TNS2: variants seen among roughly 807,000 people sequenced by gnomAD.
The protein encoded by TNS2 is tensin-2.
Under a neutral mutation model 155.7 loss-of-function variants are expected in TNS2, and 77 were observed. The observed-to-expected ratio is 0.49, with a 90% confidence interval of 0.41 to 0.60. TNS2 has a LOEUF of 0.60. Among genes scored for constraint, TNS2 ranks in the 20% least tolerant of loss-of-function variants. The pLI, the probability that TNS2 is intolerant of heterozygous loss-of-function variation, is 0.00. For synonymous variants in TNS2, 726 were observed against 763.9 expected (o/e 0.95, Z 0.82); for missense variants, 1,703 against 1,868.8 (o/e 0.91, Z 1.64).
In TNS2 at chr12:53,061,930, G is replaced by A; in HGVS notation, c.3564G>A (p.Gln1188=). 6.2e-7 allele frequency: 1 copy of A among 1,612,218 alleles called. No homozygotes were observed. The part of the protein sequence containing the change: ...LKVATPPPSA[Q]PWKGDPVEQL... The stretch of plus-strand genomic sequence containing the variant: ...TGGCCACACCGCCACCCAGTGCCCA[G>A]CCCTGGAAAGGTACAGAACACCCAA... The change falls in exon 22 of 29, where the codon CAG becomes CAA. Residue 1188 remains glutamine (Q), a synonymous_variant. Transcript: ENST00000314250.
At chr12:53,047,226 C>G (rs1393418144), upstream of TNS2, among the ~76,000 whole-genome samples, 1 of 142,358 alleles carries the variant, frequency 7.0e-6, no homozygotes, top group Non-Finnish European at 1.6e-5. Context: ...GGAGCCCAGC[C>G]GAGCCCGGCC....
rs770007326 is a variant in TNS2 at position 53,058,353 on chromosome 12, G to C, written c.1133G>C (p.Arg378Pro). The change falls in exon 15 of 29, where the codon CGG (arginine) becomes CCG (proline). Residue 378 changes from arginine (R) to proline (P), a missense_variant. Transcript: ENST00000314250. ...CACAAGGGTGGCCGGGGCACAGACC[G>C]GACCCTCGTGTTCCGAGTCCAGTTC... ...CYHKGGRGTDRTLVFRVQFHT... is the reference protein window; with the variant it reads ...CYHKGGRGTDPTLVFRVQFHT... 6.2e-7 allele frequency: 1 copy of C among 1,614,126 alleles called. No homozygotes were observed. The highest frequency in any genetic ancestry group is 1.7e-5 in the Admixed American group (1 of 60,014).
rs1944326932 is a variant in TNS2, at chr12:53,060,120, C to CG, written c.2482dup (p.Ala828GlyfsTer15). The CG allele has an allele frequency of 6.2e-7, 1 of 1,610,534 alleles. No homozygotes were observed. Among genetic ancestry groups the CG allele is most frequent in the Admixed American group, 1.7e-5 (1 of 59,848 alleles). On this transcript the variant is annotated frameshift_variant, in exon 18 of 29. Transcript: ENST00000314250. LOFTEE classifies it high-confidence loss of function. This position sits in a 1 kb window ranked among gnomAD's most constrained non-coding sequence, Gnocchi z 6.1. ...TCCCAGCCCTGGTGCCCACTCCCCA[C>CG]GGGCTGGCTCCATTTCCCCGGGCAG...
chr12:53,048,080 G>A (rs1469778429), upstream of TNS2, among the ~76,000 whole-genome samples: 2 of 152,318 alleles, frequency 1.3e-5, no homozygotes, highest in East Asian at 3.9e-4. Context: ...GAGGGTGAGG[G>A]TCCAAGAGGG....
chr12:53,055,383 C>G (rs1433446180), intron 8 of TNS2, 147 bp downstream of exon 8: 1 of 1,153,334 alleles, frequency 8.7e-7, no homozygotes, highest in African/African-American at 1.6e-5. Context: ...ACTGGAGACA[C>G]CCCAAAACGT....
At position 53,063,029 on chromosome 12, in the gene TNS2, G is replaced by A; in HGVS notation, c.3824-60G>A. 6.7e-7 allele frequency: 1 copy of A among 1,501,360 alleles called. No individual in the cohort carries two copies. Among genetic ancestry groups the A allele is most frequent in the East Asian group, 2.3e-5 (1 of 43,900 alleles). 93.0% of individuals were successfully genotyped at this position (1,501,360 alleles called of 1,614,324 possible). On this transcript the variant is annotated intron_variant, in intron 25 of 28. Coordinates refer to ENST00000314250, the MANE Select transcript of TNS2 (RefSeq NM_170754.4). The surrounding 1 kb of genome is among the most constrained non-coding windows in gnomAD (Gnocchi z 5.6). ...AGCAGTAGCTGGGGAATGTGCAAGA[G>A]CTGGTGGGGGTGGCTAGGGGATGGG... is the stretch of plus-strand genomic sequence containing the variant.
At position 53,057,650 on chromosome 12, in the gene TNS2, C is replaced by T. The variant is rs1157845147; in HGVS notation, c.929C>T (p.Pro310Leu). The T allele has an allele frequency of 6.2e-7, 1 of 1,614,044 alleles. No individual in the cohort carries two copies. The highest frequency in any genetic ancestry group is 1.3e-5 in the African/African-American group (1 of 74,924). Residue 310 changes from proline to leucine, a missense_variant, in exon 12 of 29, where the codon CCC becomes CTC. Pro to Leu is a moderately conservative substitution (Grantham distance 98). Coordinates refer to ENST00000314250, the MANE Select transcript of TNS2 (RefSeq NM_170754.4). ...SPLFLHYVLI[P>L]MLPAFEPGTG... is the part of the protein sequence containing the mutation. ...CTCTTCCTGCACTATGTGCTCATCC[C>T]CATGCTGCCAGCCTTTGAACCTGGC...
chr12:53,056,625 T>C (rs1388127893), intron 10 of TNS2, among the ~76,000 whole-genome samples: 4 of 152,190 alleles, frequency 2.6e-5, no homozygotes. Flanking sequence ...TCTTCCTCTC[T>C]TCTTATAAGG....
At position 53,059,393 on chromosome 12, in the gene TNS2, T is replaced by G. The variant is rs764563186; in HGVS notation, c.1752T>G (p.His584Gln). The G allele has an allele frequency of 4.1e-6, 6 of 1,467,898 alleles. No homozygotes were observed. The East Asian group carries it at 1.5e-4, about 36-fold the overall frequency. 90.9% of individuals were successfully genotyped at this position (1,467,898 alleles called of 1,614,324 possible). The stretch of plus-strand genomic sequence containing the variant: ...CCCACCTCGGAGTGTATCCAGGCCA[T>G]AGGCCTGGCCTCAGCCGCCACTGCT... ...GGPHLGVYPG[H>Q]RPGLSRHCSC... Residue 584 changes from histidine (H) to glutamine (Q), a missense_variant, in exon 18 of 29, where the codon CAT becomes CAG. By Grantham distance (24) the His-to-Gln change is conservative. Transcript: ENST00000314250. This position sits in a 1 kb window ranked among gnomAD's most constrained non-coding sequence, Gnocchi z 4.7.
rs758365561 is a variant in TNS2 at position 53,059,552 on chromosome 12, G to A, written c.1911G>A (p.Ser637=). ...EGSPQGYAEA[S]MEKRRLCRSL... ...CCCCCCAGGGCTACGCCGAGGCCTC[G>A]ATGGAGAAGAGGCGCCTCTGCCGAT... Residue 637 remains serine (S), a synonymous_variant, in exon 18 of 29, where the codon TCG becomes TCA. Transcript: ENST00000314250. This position sits in a 1 kb window ranked among gnomAD's most constrained non-coding sequence, Gnocchi z 4.7. 2.5e-5 allele frequency: 40 copies of A among 1,594,356 alleles called. No homozygotes were observed. The Middle Eastern group carries it at 5.0e-4, about 20-fold the overall frequency.
At chr12:53,048,996 C>T, upstream of TNS2, 1 of 562,620 alleles carries the variant, frequency 1.8e-6, no homozygotes, top group Non-Finnish European at 3.1e-6. Context: ...GGGCTGCTGT[C>T]CACAGCTTGG....
intron 7 of TNS2, 113 bp downstream of exon 7, chr12:53,054,554 G>T: frequency 8.8e-7 from 1 of 1,136,106 alleles, no homozygotes; most frequent in Non-Finnish European, 1.2e-6. Flanking sequence ...GGCGGGACCA[G>T]AGTGGTGGGG....
chr12:53,060,627 G>A lies in TNS2; in HGVS notation c.2769-48G>A, dbSNP rs764128142. ...GTTGATGAAGGCAGGTGGGGTGGGA[G>A]CAGCCACAATGGGGGCTCTGCTGAC... On this transcript the variant is annotated intron_variant, in intron 19 of 28. Coordinates refer to ENST00000314250, the MANE Select transcript of TNS2 (RefSeq NM_170754.4). This position sits in a 1 kb window ranked among gnomAD's most constrained non-coding sequence, Gnocchi z 6.1. 2.5e-6 allele frequency: 4 copies of A among 1,589,388 alleles called. No individual in the cohort carries two copies. The highest frequency in any genetic ancestry group is 3.4e-6 in the Non-Finnish European group (4 of 1,166,230).
chr12:53,055,610 G>T lies in TNS2; in HGVS notation c.616G>T (p.Asp206Tyr). The T allele has an allele frequency of 6.2e-7, 1 of 1,613,250 alleles. No homozygotes were observed. The highest frequency in any genetic ancestry group is 1.1e-5 in the South Asian group (1 of 91,054). Residue 206 changes from aspartate (D) to tyrosine (Y), a missense_variant, in exon 9 of 29, where the codon GAC becomes TAC. Transcript: ENST00000314250. ...GWPELHAPPL[D>Y]KLCSICKAME... ...GCCTGAGCTGCATGCTCCACCCCTG[G>T]ACAAGCTGTGCTCCATCTGCAAAGC...
intron 25 of TNS2, 112 bp from the exon 26 acceptor site, chr12:53,062,977 C>T (rs1236674358): frequency 6.3e-5 from 87 of 1,383,878 alleles, no homozygotes; most frequent in Non-Finnish European, 8.3e-5. Flanking sequence ...TTTAACAAGT[C>T]ACCTATGTGA....
rs371614540 is a variant in TNS2, at chr12:53,058,052, C to G, written c.1045C>G (p.Gln349Glu). 22 of 1,614,176 alleles carry G rather than the reference C, an allele frequency of 1.4e-5. No individual in the cohort carries two copies. Among genetic ancestry groups the G allele is most frequent in the Non-Finnish European group, 1.9e-5 (22 of 1,180,040 alleles). Residue 349 changes from glutamine (Q) to glutamate (E), a missense_variant, in exon 14 of 29, where the codon CAG becomes GAG. Transcript: ENST00000314250. ...TCACATTGCAGGCCCTGGTCCCCAG[C>G]AGCTTTGCATCAGCCTGGAGCCAGC... ...VYHIAGPGPQ[Q>E]LCISLEPALL...
Position 53,062,603 on chromosome 12 carries a change from G to C in TNS2, c.3746-17G>C. The C allele has an allele frequency of 1.9e-6, 3 of 1,613,542 alleles. No homozygotes were observed. The highest frequency in any genetic ancestry group is 2.5e-6 in the Non-Finnish European group (3 of 1,179,554). On this transcript the variant is annotated splice_polypyrimidine_tract_variant and intron_variant, in intron 24 of 28. Transcript: ENST00000314250. ...CTCTGCCTTCTGAGCTTCCCTGTCG[G>C]TTCTCATTGCCCTCAGATCCTCTGG...
intron 6 of TNS2, 37 bp from the exon 7 acceptor site, chr12:53,054,233 C>T: frequency 6.2e-7 from 1 of 1,609,354 alleles, no homozygotes; most frequent in Non-Finnish European, 8.5e-7. Flanking sequence ...TCCGGGTGCC[C>T]CGCCCCTGCG....
At position 53,059,693 on chromosome 12, in the gene TNS2, G is replaced by T. The variant is rs747424499; in HGVS notation, c.2052G>T (p.Leu684=). The change falls in exon 18 of 29, where the codon CTG becomes CTT. Residue 684 remains leucine, a synonymous_variant. Transcript: ENST00000314250. The surrounding 1 kb of genome is among the most constrained non-coding windows in gnomAD (Gnocchi z 4.7). The part of the protein sequence containing the change: ...REVVILEDPG[L]PALYPCPACE... ...TGGTCATCCTGGAGGACCCTGGGCT[G>T]CCTGCCCTATACCCATGCCCAGCCT... The T allele has an allele frequency of 1.9e-6, 3 of 1,613,192 alleles. No individual in the cohort carries two copies. Among genetic ancestry groups the T allele is most frequent in the Admixed American group, 1.7e-5 (1 of 60,012 alleles).
Sources: allele counts gnomAD v4.1 joint callset (sites outside exome capture counted in the v4.1 genomes callset), GRCh38; gene constraint gnomAD v4.1.1; non-coding constraint Gnocchi (gnomAD v3.1); transcripts MANE v1.5; gene names NCBI Gene and HGNC (gene_info 2026-07-23, HGNC 2026-07-21).